ALDH18A1: variants seen among roughly 807,000 people sequenced by gnomAD.
ALDH18A1 encodes the protein aldehyde dehydrogenase 18 family member A1, also known as delta-1-pyrroline-5-carboxylate synthase.
A neutral mutation model predicts 88.8 loss-of-function variants in ALDH18A1; 44 were observed. The observed-to-expected ratio is 0.50, with a 90% CI of 0.39 to 0.64. The LOEUF (loss-of-function observed/expected upper bound fraction) is 0.64, where lower values mean the gene tolerates loss of function less well. ALDH18A1 is among the 30% of genes least tolerant of loss of function. The pLI, the probability that ALDH18A1 is intolerant of heterozygous loss-of-function variation, is 0.00. For synonymous variants in ALDH18A1, 331 were observed against 372.1 expected (o/e 0.89, Z 1.27); for missense variants, 782 against 1,009.5 (o/e 0.77, Z 3.05).
chr10:95,647,054 T>G (rs2097902459), intron 2 of ALDH18A1, among the ~76,000 whole-genome samples: 1 of 152,218 alleles, frequency 6.6e-6, no homozygotes, highest in Admixed American at 6.5e-5. Context: ...TGCCTTTCTT[T>G]TCTTTTTTTT....
chr10:95,637,051 C>T (rs1031170420), intron 5 of ALDH18A1, 42 bp downstream of exon 5: 25 of 1,586,960 alleles, frequency 1.6e-5, no homozygotes, highest in Admixed American at 3.4e-5. Context: ...ACAACAACCA[C>T]CCTCACAGGT....
intron 2 of ALDH18A1, among the ~76,000 whole-genome samples, chr10:95,650,223 T>C (rs929368413): frequency 2.0e-5 from 3 of 152,182 alleles, no homozygotes; most frequent in Non-Finnish European, 4.4e-5. Context: ...CAAAAGCTGA[T>C]AAATTTGACG....
chr10:95,632,919 A>C (rs1370410058), intron 7 of ALDH18A1, 40 bp downstream of exon 7: 1 of 1,553,684 alleles, frequency 6.4e-7, no homozygotes, highest in Non-Finnish European at 8.9e-7. Flanking sequence ...GTAGCATTTA[A>C]AACAAAGGGC....
At chr10:95,650,558 T>C (rs980107027) in intron 2 of ALDH18A1, among the ~76,000 whole-genome samples, 4 of 152,194 alleles carry the variant, frequency 2.6e-5, no homozygotes, top group African/African-American at 9.7e-5. Flanking sequence ...CCTGGCCCTT[T>C]CTTTTCTCTC....
At position 95,625,418 on chromosome 10, in the gene ALDH18A1, G is replaced by A. The variant is rs769823561; in HGVS notation, c.1190C>T (p.Thr397Met). The change falls in exon 11 of 18, where the codon ACG (threonine) becomes ATG (methionine). Residue 397 changes from threonine (T) to methionine (M), a missense_variant. Physicochemically the swap from Thr to Met is moderately conservative, Grantham distance 81. Coordinates refer to ENST00000371224, the MANE Select transcript of ALDH18A1 (RefSeq NM_002860.4). The part of the protein sequence containing the change: ...EIIHHLADLL[T>M]DQRDEILLAN... ...TAACAGGATCTCATCACGCTGGTCC[G>A]TCAACAGATCAGCCAGATGATGGAT... 23 of 1,613,824 alleles carry A rather than the reference G, an allele frequency of 1.4e-5. No homozygotes were observed. Among genetic ancestry groups the A allele is most frequent in the East Asian group, 4.5e-5 (2 of 44,868 alleles).
chr10:95,647,840 G>C (rs1436927969), intron 2 of ALDH18A1, among the ~76,000 whole-genome samples: 1 of 152,250 alleles, frequency 6.6e-6, no homozygotes, highest in African/African-American at 2.4e-5. Flanking sequence ...AGAGGTCCAA[G>C]GGGACAAGGT....
At chr10:95,648,558 T>G (rs1409106854) in intron 2 of ALDH18A1, among the ~76,000 whole-genome samples, 1 of 152,168 alleles carries the variant, frequency 6.6e-6, no homozygotes, top group Admixed American at 6.6e-5. Context: ...TCTTCCAAAC[T>G]TCTTAAATTT....
chr10:95,634,137 T>C (rs549624566), intron 5 of ALDH18A1, among the ~76,000 whole-genome samples: 8 of 152,204 alleles, frequency 5.3e-5, no homozygotes, highest in Non-Finnish European at 8.8e-5. Context: ...TTTAAGAATG[T>C]TCAAGACTTC....
rs1303427717 is a variant in ALDH18A1 at position 95,606,564 on chromosome 10, A to G, written c.*198T>C. 6 of 1,475,980 alleles carry G rather than the reference A, an allele frequency of 4.1e-6. No homozygotes were observed. In the Admixed American group the frequency reaches 1.3e-4, roughly 31 times the overall value. The allele number at this position is 1,475,980 out of a possible 1,614,324, so 91.4% of individuals were successfully genotyped here. A position where few individuals can be genotyped will look rare whatever the true frequency, so the allele number is the denominator to read the frequency against. On this transcript the variant is annotated 3_prime_UTR_variant, in exon 18 of 18. Coordinates refer to ENST00000371224, the MANE Select transcript of ALDH18A1 (RefSeq NM_002860.4). The stretch of plus-strand genomic sequence containing the variant: ...TAGCAACTATTTTCTTACTTTAAAA[A>G]AAAAGGGTGAGCTGGGAGCCAGACT...
At chr10:95,641,511 C>G (rs1458253930) in intron 3 of ALDH18A1, among the ~76,000 whole-genome samples, 1 of 25,234 alleles carries the variant, frequency 4.0e-5, no homozygotes, top group African/African-American at 1.9e-4. Flanking sequence ...TTTTTTTTTT[C>G]TGCAGGGGCG....
At chr10:95,624,725 G>C (rs954147241) in intron 11 of ALDH18A1, among the ~76,000 whole-genome samples, 1 of 152,178 alleles carries the variant, frequency 6.6e-6, no homozygotes, top group African/African-American at 2.4e-5. Flanking sequence ...CACCTCTAGG[G>C]TATTTCTGGA....
At chr10:95,626,815 T>C in intron 9 of ALDH18A1, 39 bp from the exon 10 acceptor site, 1 of 1,606,434 alleles carries the variant, frequency 6.2e-7, no homozygotes, top group Middle Eastern at 1.7e-4. Context: ...ATGGTCACCT[T>C]AGTTCTCTCT....
rs1268586078 is a variant in ALDH18A1, at chr10:95,637,139, G to A, written c.512C>T (p.Ala171Val). The A allele has an allele frequency of 1.9e-6, 3 of 1,614,032 alleles. No homozygotes were observed. The highest frequency in any genetic ancestry group is 1.6e-4 in the Middle Eastern group (1 of 6,082). The change falls in exon 5 of 18, where the codon GCC (alanine) becomes GTC (valine). Residue 171 changes from alanine (A) to valine (V), a missense_variant. Ala to Val is a moderately conservative substitution (Grantham distance 64). This residue lies in a region of ALDH18A1 where 132 missense variants were observed against 255.5 expected (regional missense o/e 0.52). Coordinates refer to ENST00000371224, the MANE Select transcript of ALDH18A1 (RefSeq NM_002860.4). ...CTGGGTAAACATAGCCTCATACAAG[G>A]CCATCAGCCCACTCTGTCCGGCAGC... ...CAAAGQSGLM[A>V]LYEAMFTQYS...
In ALDH18A1 at chr10:95,611,113, A is replaced by C. The variant is rs1002756052; in HGVS notation, c.2110+143T>G. Reference sequence around the variant, plus strand: ...ATAAAGTGATGTGAAAGCACTCATCAAAGTACCAAATGCAACCACTACTAA... The same window carrying C: ...ATAAAGTGATGTGAAAGCACTCATCCAAGTACCAAATGCAACCACTACTAA... On this transcript the variant is annotated intron_variant, in intron 16 of 17. Coordinates refer to ENST00000371224, the MANE Select transcript of ALDH18A1 (RefSeq NM_002860.4). 9.4e-6 allele frequency: 9 copies of C among 960,312 alleles called. No homozygotes were observed. The African/African-American group carries it at 1.4e-4, about 15-fold the overall frequency. 59.5% of individuals were successfully genotyped at this position (960,312 alleles called of 1,614,324 possible).
chr10:95,625,293 T>C (rs1426399645), intron 11 of ALDH18A1, 69 bp downstream of exon 11: 3 of 1,176,268 alleles, frequency 2.6e-6, no homozygotes, highest in Admixed American at 1.7e-5. Context: ...TAAGAATTAT[T>C]AGTAAAACTA....
intron 15 of ALDH18A1, 109 bp from the exon 16 acceptor site, chr10:95,611,551 T>C (rs1589479430): frequency 1.5e-6 from 2 of 1,303,232 alleles, no homozygotes; most frequent in Non-Finnish European, 2.2e-6. Flanking sequence ...AAGTGGCTCC[T>C]GTAGCCTCAA....
At chr10:95,647,065 T>C (rs967319155) in intron 2 of ALDH18A1, among the ~76,000 whole-genome samples, 1 of 152,196 alleles carries the variant, frequency 6.6e-6, no homozygotes, top group Non-Finnish European at 1.5e-5. Context: ...TCTTTTTTTT[T>C]CCCTCTGCTA....
At position 95,655,688 on chromosome 10, in the gene ALDH18A1, G is replaced by C. The variant is rs1376573019; in HGVS notation, c.-29+909C>G. 5.5e-5 allele frequency among the ~76,000 whole-genome samples: 8 copies of C among 144,744 alleles called. No homozygotes were observed. The East Asian group carries it at 1.4e-3, about 25-fold the overall frequency. 95.0% of individuals were successfully genotyped at this position (144,744 alleles called of 152,430 possible). A position where few individuals can be genotyped will look rare whatever the true frequency, so the allele number is the denominator to read the frequency against. On this transcript the variant is annotated intron_variant, in intron 1 of 17. Transcript: ENST00000371224. ...ATCCCAAGGAGCAAAGAGAGTGTGT[G>C]TGTGTGTGTGTGTGTGTGTGTATCT...
chr10:95,626,453 T>C (rs978612091), intron 10 of ALDH18A1, among the ~76,000 whole-genome samples: 3 of 152,218 alleles, frequency 2.0e-5, no homozygotes, highest in African/African-American at 7.2e-5. Context: ...AATCTCATCA[T>C]TTTTATGATG....
Sources: gnomAD v4.1 joint callset for allele counts (sites outside exome capture counted in the v4.1 genomes callset) on GRCh38, gnomAD v4.1.1 for gene constraint, gnomAD v4.1.1 regional missense constraint, MANE v1.5 for transcripts, NCBI Gene and HGNC (gene_info 2026-07-23, HGNC 2026-07-21) for gene names.